The following NBEA variants were observed in gnomAD, a reference collection of about 807,000 sequenced individuals.
NBEA encodes the protein neurobeachin, also known as lysosomal-trafficking regulator 2.
A neutral mutation model predicts 343.4 loss-of-function variants in NBEA; 44 were observed. That is an observed-to-expected ratio of 0.13 (90% CI 0.10 to 0.16). The LOEUF (loss-of-function observed/expected upper bound fraction) is 0.16. Among genes scored for constraint, NBEA ranks in the 10% least tolerant of loss-of-function variants. NBEA has a pLI of 1.00. For missense variants in NBEA, 2,555 were observed against 3,631.3 expected (o/e 0.70, Z 7.62); for synonymous variants, 1,175 against 1,238.7 (o/e 0.95, Z 1.08).
chr13:35,550,485 A>C lies in NBEA; in HGVS notation c.6594A>C (p.Ala2198=), dbSNP rs371821813. The part of the protein sequence containing the change: ...AFKKIDTKVL[A]YTEGLHGKWM... ...TAAACTGTTTATTTTAGGTTCTTGC[A>C]TACACTGAGGGACTTCACGGAAAAT... The change falls in exon 42 of 59, where the codon GCA becomes GCC. Residue 2198 remains alanine (A), a synonymous_variant. Coordinates refer to ENST00000379939, the MANE Select transcript of NBEA (RefSeq NM_001385012.1). 97 of 1,606,464 alleles carry C rather than the reference A, an allele frequency of 6.0e-5. No individual in the cohort carries two copies. The highest frequency in any genetic ancestry group is 3.0e-4 in the Admixed American group (18 of 59,792).
At chr13:35,455,970 A>G (rs2046561884) in intron 40 of NBEA, among the ~76,000 whole-genome samples, 1 of 152,074 alleles carries the variant, frequency 6.6e-6, no homozygotes, top group African/African-American at 2.4e-5. Flanking sequence ...TGTGAAAATG[A>G]CATCTTCTGT....
At chr13:35,255,580 G>C (rs568838839) in intron 34 of NBEA, among the ~76,000 whole-genome samples, 2 of 152,356 alleles carry the variant, frequency 1.3e-5, no homozygotes, top group Admixed American at 6.5e-5. Flanking sequence ...AGCTAGATCA[G>C]GTGCATCATA....
At chr13:34,953,172 G>A (rs938055371) in intron 1 of NBEA, among the ~76,000 whole-genome samples, 1 of 152,138 alleles carries the variant, frequency 6.6e-6, no homozygotes, top group African/African-American at 2.4e-5. Flanking sequence ...GTGAAATAAA[G>A]TAATTGTCTT....
chr13:34,986,808 C>CT (rs1223572534), intron 1 of NBEA, among the ~76,000 whole-genome samples: 1 of 150,390 alleles, frequency 6.6e-6, no homozygotes, highest in East Asian at 1.9e-4. Flanking sequence ...GGTTTAATGT[C>CT]TGTTTTATCA....
chr13:35,388,949 A>G (rs181097806), intron 38 of NBEA, among the ~76,000 whole-genome samples: 1 of 151,362 alleles, frequency 6.6e-6, no homozygotes, highest in East Asian at 1.9e-4. Flanking sequence ...ACCCCTACCT[A>G]TATTTCTCTA....
chr13:35,438,932 G>A (rs1566134710), intron 39 of NBEA, among the ~76,000 whole-genome samples: 2 of 152,150 alleles, frequency 1.3e-5, no homozygotes. Flanking sequence ...TTCTGTTGAA[G>A]GTTCAGATTG....
intron 34 of NBEA, among the ~76,000 whole-genome samples, chr13:35,271,373 A>G (rs952391681): frequency 2.6e-5 from 4 of 152,216 alleles, no homozygotes; most frequent in Admixed American, 1.3e-4. Context: ...CAAAGACCAA[A>G]GGTAGATAAA....
intron 1 of NBEA, among the ~76,000 whole-genome samples, chr13:35,025,950 CT>C (rs2062006670): frequency 6.6e-6 from 1 of 151,844 alleles, no homozygotes; most frequent in Non-Finnish European, 1.5e-5. Context: ...TGAACAAATT[CT>C]TTTGCATTTT....
intron 10 of NBEA, among the ~76,000 whole-genome samples, chr13:35,088,098 A>G (rs943677799): frequency 6.6e-6 from 1 of 151,856 alleles, no homozygotes; most frequent in African/African-American, 2.4e-5. Flanking sequence ...TCAGACAGGA[A>G]TCTATTACGG....
chr13:35,277,699 C>T (rs888056094), intron 34 of NBEA, among the ~76,000 whole-genome samples: 20 of 147,846 alleles, frequency 1.4e-4, no homozygotes, highest in African/African-American at 4.2e-4. Flanking sequence ...AAAGGAGCAG[C>T]GACTTTGCCA....
intron 36 of NBEA, among the ~76,000 whole-genome samples, chr13:35,344,772 G>T (rs556341510): frequency 6.6e-6 from 1 of 152,146 alleles, no homozygotes; most frequent in South Asian, 2.1e-4. Flanking sequence ...ATTTCTTCCT[G>T]TAGAGAAAAC....
At chr13:35,543,453 A>T (rs987658262) in intron 41 of NBEA, among the ~76,000 whole-genome samples, 1 of 152,180 alleles carries the variant, frequency 6.6e-6, no homozygotes, top group Non-Finnish European at 1.5e-5. Context: ...TTATCTCTCA[A>T]TTGACAGCCC....
At chr13:35,125,246 C>G (rs2067058014) in intron 17 of NBEA, among the ~76,000 whole-genome samples, 1 of 151,996 alleles carries the variant, frequency 6.6e-6, no homozygotes, top group Non-Finnish European at 1.5e-5. Context: ...GTATCAGCTG[C>G]TTAAAGTTGC....
At chr13:35,623,700 T>C (rs1238323632) in intron 48 of NBEA, among the ~76,000 whole-genome samples, 1 of 152,092 alleles carries the variant, frequency 6.6e-6, no homozygotes, top group Non-Finnish European at 1.5e-5. Flanking sequence ...AAAACTGAGA[T>C]GAAATGGATG....
chr13:35,248,357 G>T (rs1359967608), intron 34 of NBEA, among the ~76,000 whole-genome samples: 1 of 152,132 alleles, frequency 6.6e-6, no homozygotes, highest in African/African-American at 2.4e-5. Flanking sequence ...GAATTACATA[G>T]ATCATCTTAT....
At chr13:35,044,603 G>GGTGTGTGT (rs3045194) in intron 2 of NBEA, among the ~76,000 whole-genome samples, 2,512 of 142,584 alleles carry the variant, frequency 0.018, 40 homozygotes, top group Non-Finnish European at 0.026. Flanking sequence ...GCTGTGTTGT[G>GGTGTGTGT]GTGTGTGTGT....
chr13:35,051,555 A>C (rs916498234), intron 6 of NBEA, among the ~76,000 whole-genome samples: 2 of 152,020 alleles, frequency 1.3e-5, no homozygotes, highest in Non-Finnish European at 2.9e-5. Flanking sequence ...TTTAACAGTA[A>C]TTCATTAACA....
intron 39 of NBEA, among the ~76,000 whole-genome samples, chr13:35,437,083 CT>C (rs1320782564): frequency 1.3e-5 from 2 of 152,066 alleles, no homozygotes; most frequent in Admixed American, 1.3e-4. Flanking sequence ...AGAAGTGAAA[CT>C]GATTTTGCAG....
At chr13:35,343,074 G>A (rs2039676440) in intron 36 of NBEA, among the ~76,000 whole-genome samples, 1 of 151,854 alleles carries the variant, frequency 6.6e-6, no homozygotes, top group Non-Finnish European at 1.5e-5. Context: ...TATATCCTGG[G>A]CACTAATCAA....
Sources: gnomAD v4.1 joint callset for allele counts (sites outside exome capture counted in the v4.1 genomes callset) on GRCh38, gnomAD v4.1.1 for gene constraint, MANE v1.5 for transcripts, NCBI Gene and HGNC (gene_info 2026-07-23, HGNC 2026-07-21) for gene names.